PDE1C: variants seen among roughly 807,000 people sequenced by gnomAD.
PDE1C encodes dual specificity calcium/calmodulin-dependent 3',5'-cyclic nucleotide phosphodiesterase 1C.
PDE1C carries 62 observed loss-of-function variants against 93.1 expected under a neutral mutation model. The ratio of observed to expected loss-of-function variants is 0.67; its 90% confidence interval spans 0.54 to 0.82. PDE1C has a LOEUF of 0.82. Ranked by LOEUF, PDE1C falls within the 40% of genes least tolerant of loss-of-function variation. The pLI, the probability that PDE1C is intolerant of heterozygous loss-of-function variation, is 0.00. For synonymous variants in PDE1C, 325 were observed against 310.1 expected (o/e 1.05, Z -0.50); for missense variants, 742 against 884.6 (o/e 0.84, Z 2.04).
At chr7:31,620,641 A>T in the PDE1C span, among the ~76,000 whole-genome samples, 1 of 150,620 alleles carries the variant, frequency 6.6e-6, no homozygotes, top group Non-Finnish European at 1.5e-5. Context: ...AAAAGTAGAT[A>T]AAACCACAAA....
chr7:32,016,217 T>C (rs990129479), intron 2 of PDE1C, among the ~76,000 whole-genome samples: 6 of 152,206 alleles, frequency 3.9e-5, no homozygotes, highest in African/African-American at 1.4e-4. Context: ...GCTGGACCTA[T>C]AACACTGCCA....
rs537328403 is a variant in PDE1C at position 32,347,979 on chromosome 7, T to C, written c.310+79843A>G. Among the ~76,000 whole-genome samples the C allele has an allele frequency of 2.0e-5, 3 of 152,284 alleles. No homozygotes were observed. In the South Asian group the frequency reaches 6.2e-4, roughly 32 times the overall value. On this transcript the variant is annotated intron_variant, in intron 1 of 1. Coordinates refer to the PDE1C transcript ENST00000672256. ...TGTTACAGAAGAGAAAAACCGTACA[T>C]TTAACCACACAAAGGAAGCACCCTT...
intron 2 of PDE1C, among the ~76,000 whole-genome samples, chr7:32,002,079 T>C (rs1785540729): frequency 6.6e-6 from 1 of 151,914 alleles, no homozygotes; most frequent in African/African-American, 2.4e-5. Flanking sequence ...AAAACCGCAA[T>C]AGATCTGACT....
At chr7:31,966,187 C>T (rs531625300) in intron 2 of PDE1C, among the ~76,000 whole-genome samples, 2 of 152,260 alleles carry the variant, frequency 1.3e-5, no homozygotes, top group African/African-American at 4.8e-5. Context: ...AGTCAAGACC[C>T]ATCAGTGTGC....
At chr7:32,408,838 CTCTAAATTAATAAAGTTTAAAG>C (rs1785110291) in intron 1 of PDE1C, among the ~76,000 whole-genome samples, 1 of 151,994 alleles carries the variant, frequency 6.6e-6, no homozygotes, top group Non-Finnish European at 1.5e-5. Context: ...GACTACTCAA[CTCTAAATTAATAAAGTTTAAAG>C]TCTAGATGAA....
At chr7:31,655,997 C>T in the PDE1C span, 748,746 of 984,356 alleles carry the variant, frequency 0.76, 285,046 homozygotes, top group East Asian at 0.81. Flanking sequence ...TGTGTTCCTG[C>T]TTCCTCTCCT....
At chr7:31,950,986 C>T (rs1807291684) in intron 2 of PDE1C, among the ~76,000 whole-genome samples, 1 of 152,230 alleles carries the variant, frequency 6.6e-6, no homozygotes, top group African/African-American at 2.4e-5. Context: ...AACATCAAGG[C>T]ATTTCTGGGT....
rs529116654 is a variant in PDE1C, at chr7:32,322,604, T to C, written c.310+105218A>G. Reference sequence around the variant, plus strand: ...GGGTGACAGAGCAAGATCCCATCTCTATTTTTTTCTTTTTTCTTTTTTTTT... The same window carrying C: ...GGGTGACAGAGCAAGATCCCATCTCCATTTTTTTCTTTTTTCTTTTTTTTT... On this transcript the variant is annotated intron_variant, in intron 1 of 1. Transcript: ENST00000672256. 3.7e-5 allele frequency among the ~76,000 whole-genome samples: 5 copies of C among 134,928 alleles called. No homozygotes were observed. The South Asian group carries it at 1.4e-3, about 37-fold the overall frequency. The allele number at this position is 134,928 out of a possible 152,430, so 88.5% of individuals were successfully genotyped here. A position where few individuals can be genotyped will look rare whatever the true frequency, so the allele number is the denominator to read the frequency against.
At chr7:31,744,843 T>C in the PDE1C span, among the ~76,000 whole-genome samples, 1 of 152,178 alleles carries the variant, frequency 6.6e-6, no homozygotes, top group Non-Finnish European at 1.5e-5. Context: ...AGTGGTAGGA[T>C]GTTTGAGGAA....
At chr7:32,217,319 A>G (rs994089964) in intron 1 of PDE1C, among the ~76,000 whole-genome samples, 1 of 152,174 alleles carries the variant, frequency 6.6e-6, no homozygotes, top group Non-Finnish European at 1.5e-5. Context: ...TTGTCCAAAA[A>G]CAGACCAAGG....
At chr7:32,238,684 T>C (rs1187230822) in intron 1 of PDE1C, among the ~76,000 whole-genome samples, 1 of 152,234 alleles carries the variant, frequency 6.6e-6, no homozygotes, top group East Asian at 1.9e-4. Context: ...ACAATGTTTT[T>C]ATTGGCCCAG....
chr7:32,001,454 AT>A (rs1785441255), intron 2 of PDE1C, among the ~76,000 whole-genome samples: 1 of 152,176 alleles, frequency 6.6e-6, no homozygotes, highest in Admixed American at 6.5e-5. Flanking sequence ...TATTACGGTT[AT>A]TTATGTGCAT....
intron 16 of PDE1C, among the ~76,000 whole-genome samples, chr7:31,796,129 GTA>G (rs1785260255): frequency 6.7e-6 from 1 of 149,754 alleles, no homozygotes; most frequent in African/African-American, 2.4e-5. Flanking sequence ...ATATGTATAT[GTA>G]TATATGATTT....
intron 2 of PDE1C, among the ~76,000 whole-genome samples, chr7:32,006,560 T>C (rs1412592460): frequency 6.6e-6 from 1 of 152,166 alleles, no homozygotes; most frequent in South Asian, 2.1e-4. Flanking sequence ...GCCAGGCCCA[T>C]CACTTACAGC....
chr7:32,267,105 G>A (rs1201690169), intron 1 of PDE1C, among the ~76,000 whole-genome samples: 6 of 152,210 alleles, frequency 3.9e-5, no homozygotes, highest in African/African-American at 1.2e-4. Context: ...TGATAGGCGG[G>A]GCCTCGACCC....
intron 1 of PDE1C, among the ~76,000 whole-genome samples, chr7:32,222,389 C>T (rs1456408584): frequency 1.3e-5 from 2 of 152,162 alleles, no homozygotes; most frequent in Non-Finnish European, 2.9e-5. Flanking sequence ...CTGTTTCCCC[C>T]AGACTAGCAC....
chr7:32,193,897 T>A (rs1378717127), intron 2 of PDE1C, among the ~76,000 whole-genome samples: 1 of 146,638 alleles, frequency 6.8e-6, no homozygotes, highest in Non-Finnish European at 1.5e-5. Context: ...TATGTGGTTT[T>A]TTTTTTTGGT....
chr7:31,881,098 C>T (rs925560573), intron 2 of PDE1C, among the ~76,000 whole-genome samples: 7 of 152,170 alleles, frequency 4.6e-5, no homozygotes, highest in Non-Finnish European at 5.9e-5. Context: ...TTCTAGCTAG[C>T]TTTTATCTTT....
chr7:32,083,958 AC>A (rs1291429998), intron 3 of PDE1C, among the ~76,000 whole-genome samples: 4 of 151,072 alleles, frequency 2.6e-5, no homozygotes, highest in East Asian at 2.0e-4. Context: ...GAGCAAAATA[AC>A]CAGCTAACAT....
Sources: gnomAD v4.1 joint callset for allele counts (sites outside exome capture counted in the v4.1 genomes callset) on GRCh38, gnomAD v4.1.1 for gene constraint, MANE v1.5 for transcripts, NCBI Gene and HGNC (gene_info 2026-07-23, HGNC 2026-07-21) for gene names.